FRYL: variants seen among roughly 807,000 people sequenced by gnomAD.
FRYL encodes FRY like transcription coactivator, also known as protein furry homolog-like.
A neutral mutation model predicts 351.2 loss-of-function variants in FRYL; 150 were observed. The ratio of observed to expected loss-of-function variants is 0.43; its 90% confidence interval spans 0.37 to 0.49. FRYL has a LOEUF of 0.49. Ranked by LOEUF, FRYL falls within the 20% of genes least tolerant of loss-of-function variation. FRYL has a pLI of 0.00. For synonymous variants in FRYL, 1,153 were observed against 1,257.1 expected (o/e 0.92, Z 1.75); for missense variants, 3,036 against 3,619.3 (o/e 0.84, Z 4.13).
chr4:48,537,888 T>C (rs1394881077), intron 47 of FRYL, among the ~76,000 whole-genome samples: 1 of 152,138 alleles, frequency 6.6e-6, no homozygotes, highest in African/African-American at 2.4e-5. Flanking sequence ...TCTACTTCCC[T>C]TTTTAGGGGA....
intron 1 of FRYL, among the ~76,000 whole-genome samples, chr4:48,739,674 A>C (rs1418248814): frequency 2.0e-5 from 3 of 152,330 alleles, no homozygotes; most frequent in South Asian, 4.1e-4. Flanking sequence ...ATGACTTTTT[A>C]GATATGACAC....
In FRYL at chr4:48,565,514, G is replaced by A; in HGVS notation, c.3330+17C>T. On this transcript the variant is annotated intron_variant, in intron 29 of 63. Transcript: ENST00000358350. ...TCTGCTCTTAAGAAAAAAGAAATCA[G>A]GTTTCTAAGTAAATACCTTTAACGC... The A allele has an allele frequency of 2.0e-6, 3 of 1,521,898 alleles. No homozygotes were observed. Among genetic ancestry groups the A allele is most frequent in the Non-Finnish European group, 2.6e-6 (3 of 1,136,616 alleles). The allele number at this position is 1,521,898 out of a possible 1,614,324, so 94.3% of individuals were successfully genotyped here.
rs561060716 is a variant in FRYL at position 48,766,859 on chromosome 4, G to A, written c.-384+13219C>T. 5.3e-5 allele frequency among the ~76,000 whole-genome samples: 8 copies of A among 151,760 alleles called. No homozygotes were observed. The South Asian group carries it at 8.3e-4, about 16-fold the overall frequency. ...AGGTGATTTAAGAGTCACCTTAAAT[G>A]ATGTCAAATAAGCATTTTCTTCTGT... is the stretch of plus-strand genomic sequence containing the variant. On this transcript the variant is annotated intron_variant, in intron 1 of 63. Coordinates refer to ENST00000358350, the MANE Select transcript of FRYL (RefSeq NM_015030.2).
At chr4:48,640,571 G>C (rs769319727) in intron 3 of FRYL, among the ~76,000 whole-genome samples, 1 of 152,014 alleles carries the variant, frequency 6.6e-6, no homozygotes, top group African/African-American at 2.4e-5. Context: ...AGTATATGGT[G>C]GATACATGTC....
intron 3 of FRYL, 60 bp from the exon 4 acceptor site, chr4:48,634,550 T>A: frequency 7.7e-7 from 1 of 1,293,880 alleles, no homozygotes; most frequent in South Asian, 1.3e-5. Context: ...AGGTCTACCA[T>A]AACTACCCTA....
At chr4:48,696,355 G>C (rs1578749644) in intron 2 of FRYL, among the ~76,000 whole-genome samples, 1 of 152,268 alleles carries the variant, frequency 6.6e-6, no homozygotes, top group Middle Eastern at 3.4e-3. Flanking sequence ...CCATAAAAAA[G>C]AATGAGTTCA....
In FRYL at chr4:48,620,788, C is replaced by G. The variant is rs375590868; in HGVS notation, c.175-10G>C. 6.2e-7 allele frequency: 1 copy of G among 1,607,774 alleles called. No homozygotes were observed. Among genetic ancestry groups the G allele is most frequent in the Admixed American group, 1.7e-5 (1 of 59,582 alleles). On this transcript the variant is annotated splice_polypyrimidine_tract_variant and intron_variant, in intron 5 of 63. Transcript: ENST00000358350. ...TCATAGAGCTTATCAACTGAAAACACAAGATATTACCAGAAAATAAATTGT... is the reference window on the plus strand; with the variant it reads ...TCATAGAGCTTATCAACTGAAAACAGAAGATATTACCAGAAAATAAATTGT...
At chr4:48,550,392 C>G (rs1339390172) in intron 38 of FRYL, 200 bp downstream of exon 38, 2 of 543,766 alleles carry the variant, frequency 3.7e-6, no homozygotes, top group African/African-American at 3.8e-5. Flanking sequence ...CTATAGGAAA[C>G]CAGTGCTTTA....
At chr4:48,565,854 C>A (rs1172368003) in intron 28 of FRYL, among the ~76,000 whole-genome samples, 163 bp from the exon 29 acceptor site, 4 of 152,126 alleles carry the variant, frequency 2.6e-5, no homozygotes, top group African/African-American at 9.7e-5. Flanking sequence ...TATATATATG[C>A]AAATCACAGA....
chr4:48,567,170 A>G lies in FRYL; in HGVS notation c.3169+78T>C. The G allele has an allele frequency of 8.4e-7, 1 of 1,186,144 alleles. No homozygotes were observed. The allele number at this position is 1,186,144 out of a possible 1,614,324, so 73.5% of individuals were successfully genotyped here. A position where few individuals can be genotyped will look rare whatever the true frequency, so the allele number is the denominator to read the frequency against. ...TTCATACGTTACTTTATCAACTTAG[A>G]TTATTAAACCTCAAGGAAAGAAAAA... On this transcript the variant is annotated intron_variant, in intron 28 of 63. Coordinates refer to ENST00000358350, the MANE Select transcript of FRYL (RefSeq NM_015030.2). This position sits in a 1 kb window ranked among gnomAD's most constrained non-coding sequence, Gnocchi z 4.2.
intron 3 of FRYL, among the ~76,000 whole-genome samples, chr4:48,635,943 TA>T (rs1754143058): frequency 6.6e-6 from 1 of 152,146 alleles, no homozygotes; most frequent in Admixed American, 6.5e-5. Flanking sequence ...CAAAACTTAT[TA>T]AAAAATTTTT....
In FRYL at chr4:48,635,432, G is replaced by T. The variant is rs1459834404; in HGVS notation, c.-80-942C>A. Among the ~76,000 whole-genome samples the T allele has an allele frequency of 2.0e-5, 3 of 152,162 alleles. No individual in the cohort carries two copies. The East Asian group carries it at 5.8e-4, about 29-fold the overall frequency. On this transcript the variant is annotated intron_variant, in intron 3 of 63. Coordinates refer to ENST00000358350, the MANE Select transcript of FRYL (RefSeq NM_015030.2). The stretch of plus-strand genomic sequence containing the variant: ...ATTTGAGACTTGTCATATATTAGTG[G>T]ATTAATCAGTGAGGTGACAGGAAGG...
chr4:48,735,973 A>AAT (rs1245050156), intron 1 of FRYL, among the ~76,000 whole-genome samples: 5 of 2,082 alleles, frequency 2.4e-3, no homozygotes, highest in African/African-American at 6.9e-3. Context: ...GAGTATAATA[A>AAT]AAAAAAAAAA....
chr4:48,521,093 T>C lies in FRYL; in HGVS notation c.7644A>G (p.Pro2548=). The C allele has an allele frequency of 6.2e-7, 1 of 1,613,552 alleles. No individual in the cohort carries two copies. The highest frequency in any genetic ancestry group is 8.5e-7 in the Non-Finnish European group (1 of 1,179,674). Residue 2548 remains proline (P), a synonymous_variant, in exon 55 of 64, where the codon CCA becomes CCG. Transcript: ENST00000358350. ...EEVLQIRDET[P]TLEASLDNAN... ...CATTATCTAGAGAAGCCTCCAAAGT[T>C]GGGGTCTCATCCCTGATTTGAAGCA...
chr4:48,541,616 G>C (rs1438912115), intron 45 of FRYL, among the ~76,000 whole-genome samples: 2 of 152,204 alleles, frequency 1.3e-5, no homozygotes, highest in African/African-American at 4.8e-5. Flanking sequence ...GCTAGGAAGT[G>C]ACATTTGGGA....
At chr4:48,610,066 T>G (rs980947627) in intron 7 of FRYL, among the ~76,000 whole-genome samples, 4 of 152,202 alleles carry the variant, frequency 2.6e-5, no homozygotes, top group Non-Finnish European at 1.5e-5. Flanking sequence ...CTATGGACTA[T>G]GCAGTGGGAA....
chr4:48,661,858 A>G (rs1352749291), intron 3 of FRYL, among the ~76,000 whole-genome samples: 5 of 152,208 alleles, frequency 3.3e-5, no homozygotes, highest in Non-Finnish European at 5.9e-5. Context: ...AAAAATAAAT[A>G]CAATGAAGAA....
At chr4:48,771,253 A>G (rs114375647) in intron 1 of FRYL, among the ~76,000 whole-genome samples, 3 of 152,362 alleles carry the variant, frequency 2.0e-5, no homozygotes, top group African/African-American at 7.2e-5. Flanking sequence ...TCTAAATTGT[A>G]TCAACACAAA....
rs1419785858 is a variant in FRYL, at chr4:48,527,465, C to A, written c.7317+12G>T. 1.2e-6 allele frequency: 2 copies of A among 1,600,104 alleles called. No homozygotes were observed. Among genetic ancestry groups the A allele is most frequent in the African/African-American group, 2.7e-5 (2 of 74,384 alleles). On this transcript the variant is annotated intron_variant, in intron 53 of 63. Coordinates refer to ENST00000358350, the MANE Select transcript of FRYL (RefSeq NM_015030.2). Reference sequence around the variant, plus strand: ...TTCTATAAATATTAACAGAGAAAGCCCACATCCTTACCTCTGCATCTTCCA... The same window carrying A: ...TTCTATAAATATTAACAGAGAAAGCACACATCCTTACCTCTGCATCTTCCA...
Sources: gnomAD v4.1 joint callset for allele counts (sites outside exome capture counted in the v4.1 genomes callset) on GRCh38, gnomAD v4.1.1 for gene constraint, Gnocchi (gnomAD v3.1) non-coding constraint, MANE v1.5 for transcripts, NCBI Gene and HGNC (gene_info 2026-07-23, HGNC 2026-07-21) for gene names.